Variants in CAST observed in about 807,000 individuals in gnomAD.
The protein encoded by CAST is calpastatin.
Under a neutral mutation model 119.6 loss-of-function variants are expected in CAST, and 76 were observed. That is an observed-to-expected ratio of 0.64 (90% CI 0.53 to 0.77). The LOEUF (loss-of-function observed/expected upper bound fraction) is 0.77, where lower values mean the gene tolerates loss of function less well. CAST is among the 30% of genes least tolerant of loss of function. The pLI is 0.00. For missense variants in CAST, 953 were observed against 946.5 expected (o/e 1.01, Z -0.09); for synonymous variants, 319 against 331.6 (o/e 0.96, Z 0.41).
intron 1 of CAST, among the ~76,000 whole-genome samples, chr5:96,533,505 T>C (rs925515596): frequency 6.6e-6 from 1 of 152,214 alleles, no homozygotes; most frequent in African/African-American, 2.4e-5. Context: ...TAAGACATAA[T>C]ATGCCTTTTT....
At chr5:96,466,912 G>T in the CAST span, among the ~76,000 whole-genome samples, 2 of 152,080 alleles carry the variant, frequency 1.3e-5, no homozygotes, top group East Asian at 3.9e-4. Flanking sequence ...TGCTAGAAAT[G>T]ATCAACTTCT....
At chr5:96,648,675 C>T (rs1292474584) in intron 1 of CAST, among the ~76,000 whole-genome samples, 6 of 151,732 alleles carry the variant, frequency 4.0e-5, no homozygotes, top group African/African-American at 1.5e-4. Flanking sequence ...TACTTAGTAC[C>T]TCTGCATTGT....
chr5:96,692,972 G>A (rs986149936), intron 2 of CAST, among the ~76,000 whole-genome samples: 2 of 152,170 alleles, frequency 1.3e-5, no homozygotes, highest in East Asian at 3.8e-4. Context: ...AAGAAAGGGG[G>A]CCAAAACAAC....
intron 4 of CAST, among the ~76,000 whole-genome samples, chr5:96,724,314 G>A (rs959458521): frequency 1.3e-5 from 2 of 151,888 alleles, no homozygotes; most frequent in Non-Finnish European, 2.9e-5. Context: ...CTGAGTAGCT[G>A]GAACTCTAGG....
At chr5:96,374,754 G>A in the CAST span, among the ~76,000 whole-genome samples, 2 of 152,148 alleles carry the variant, frequency 1.3e-5, no homozygotes, top group African/African-American at 4.8e-5. Flanking sequence ...ACCAAAGACC[G>A]ATGAGAAAGA....
chr5:96,039,765 G>T, the CAST span, among the ~76,000 whole-genome samples: 1 of 152,148 alleles, frequency 6.6e-6, no homozygotes, highest in African/African-American at 2.4e-5. Context: ...ATGCTGTTTT[G>T]GTTACTGTAG....
intron 1 of CAST, among the ~76,000 whole-genome samples, chr5:96,542,601 A>T (rs1371280910): frequency 6.6e-6 from 1 of 152,106 alleles, no homozygotes; most frequent in Non-Finnish European, 1.5e-5. Context: ...TTCTTTCATG[A>T]GATATATGTT....
At chr5:96,401,568 T>A in the CAST span, among the ~76,000 whole-genome samples, 390 of 152,338 alleles carry the variant, frequency 2.6e-3, 1 homozygote, top group South Asian at 0.018. Flanking sequence ...ATCAGAGATA[T>A]AAGGGATTGT....
the CAST span, among the ~76,000 whole-genome samples, chr5:96,440,912 C>T: frequency 6.6e-6 from 1 of 152,132 alleles, no homozygotes; most frequent in Non-Finnish European, 1.5e-5. Context: ...TAGATGAACA[C>T]TATTTCAAAG....
the CAST span, chr5:96,318,751 A>G: frequency 3.3e-5 from 5 of 152,098 alleles, no homozygotes; most frequent in Non-Finnish European, 7.4e-5. Flanking sequence ...TGATTTCTTC[A>G]TTGAGTGACA....
chr5:96,386,460 G>A, the CAST span, among the ~76,000 whole-genome samples: 5 of 152,142 alleles, frequency 3.3e-5, no homozygotes, highest in Non-Finnish European at 5.9e-5. Flanking sequence ...GACAATTCAC[G>A]AGGCCACATA....
chr5:96,282,896 G>A, the CAST span, among the ~76,000 whole-genome samples: 3 of 151,828 alleles, frequency 2.0e-5, no homozygotes, highest in African/African-American at 4.8e-5. Context: ...TTGGGAGGCC[G>A]AGGCGGGCGG....
intron 1 of CAST, among the ~76,000 whole-genome samples, chr5:96,538,173 G>T (rs115466868): frequency 0.016 from 2,505 of 152,250 alleles, 75 homozygotes; most frequent in African/African-American, 0.058. Context: ...GCCTTCCCGC[G>T]AGTAGCTTCC....
At chr5:96,688,561 C>T (rs560876525) in intron 2 of CAST, among the ~76,000 whole-genome samples, 85 of 152,226 alleles carry the variant, frequency 5.6e-4, no homozygotes, top group African/African-American at 2.0e-3. Flanking sequence ...TTTTGAAAAA[C>T]ATTTAATGAC....
At chr5:96,475,403 G>T in the CAST span, among the ~76,000 whole-genome samples, 5 of 152,198 alleles carry the variant, frequency 3.3e-5, no homozygotes, top group Admixed American at 6.5e-5. Flanking sequence ...TGGTTTCAAA[G>T]AGACATAAAT....
At chr5:96,644,146 G>T (rs72772063) in intron 1 of CAST, among the ~76,000 whole-genome samples, 1 of 152,006 alleles carries the variant, frequency 6.6e-6, no homozygotes, top group South Asian at 2.1e-4. Flanking sequence ...TAAAAACCAT[G>T]GAATTGTATA....
In CAST at chr5:96,719,196, C is replaced by T. The variant is rs192856328; in HGVS notation, c.211-3443C>T. On this transcript the variant is annotated intron_variant, in intron 3 of 31. Transcript: ENST00000675179. The stretch of plus-strand genomic sequence containing the variant: ...GCCCTTACCTTCCCATCCTGGCTCA[C>T]TTGCCAGGACCTGCTGGGGAGCTCA... Among the ~76,000 whole-genome samples, 11 of 152,332 alleles carry T rather than the reference C, an allele frequency of 7.2e-5. No individual in the cohort carries two copies. The East Asian group carries it at 1.9e-3, about 27-fold the overall frequency.
chr5:96,136,862 C>A, the CAST span, among the ~76,000 whole-genome samples: 4 of 152,144 alleles, frequency 2.6e-5, no homozygotes, highest in African/African-American at 7.2e-5. Flanking sequence ...ACTTTATCAA[C>A]AAGAGTTCAA....
chr5:95,981,134 G>T, the CAST span, among the ~76,000 whole-genome samples: 1 of 152,136 alleles, frequency 6.6e-6, no homozygotes, highest in African/African-American at 2.4e-5. Context: ...CAGGGAAGTG[G>T]GCTGGTTGGT....
Sources: allele counts gnomAD v4.1 joint callset (sites outside exome capture counted in the v4.1 genomes callset), GRCh38; gene constraint gnomAD v4.1.1; transcripts MANE v1.5; gene names NCBI Gene and HGNC (gene_info 2026-07-23, HGNC 2026-07-21).